CDK19: variants seen among roughly 807,000 people sequenced by gnomAD.
The protein encoded by CDK19 is cyclin-dependent kinase 19.
CDK19 carries 20 observed loss-of-function variants against 68.3 expected under a neutral mutation model. The ratio of observed to expected loss-of-function variants is 0.29; its 90% CI spans 0.21 to 0.43. The LOEUF is 0.43. CDK19 is among the 20% of genes least tolerant of loss of function. The pLI is 1.00. For synonymous variants in CDK19, 221 were observed against 222.8 expected (o/e 0.99, Z 0.07); for missense variants, 339 against 623.5 (o/e 0.54, Z 4.86).
chr6:110,673,537 T>TAA lies in CDK19; in HGVS notation c.205-2998_205-2997dup, dbSNP rs536470299. Among the ~76,000 whole-genome samples the TAA allele has an allele frequency of 9.5e-4, 135 of 141,658 alleles. 2 individuals are homozygous for TAA. In the South Asian group the frequency reaches 0.015, roughly 16 times the overall value. 92.9% of individuals were successfully genotyped at this position (141,658 alleles called of 152,430 possible). A position where few individuals can be genotyped will look rare whatever the true frequency, so the allele number is the denominator to read the frequency against. On this transcript the variant is annotated intron_variant, in intron 2 of 12. Coordinates refer to ENST00000368911, the MANE Select transcript of CDK19 (RefSeq NM_015076.5). Reference sequence around the variant, plus strand: ...GGAACCACCATATAGGTCATTTTTGTAAAAAAAAAAAAACTTTTTTTGTAG... The same window carrying TAA: ...GGAACCACCATATAGGTCATTTTTGTAAAAAAAAAAAAAAACTTTTTTTGTAG...
At chr6:110,653,507 A>C (rs1267418158) in intron 4 of CDK19, among the ~76,000 whole-genome samples, 1 of 152,228 alleles carries the variant, frequency 6.6e-6, no homozygotes, top group Admixed American at 6.5e-5. Flanking sequence ...TCCTCTTCTT[A>C]CTGTGAACAC....
intron 1 of CDK19, among the ~76,000 whole-genome samples, chr6:110,773,315 A>G (rs995546246): frequency 1.3e-5 from 2 of 151,526 alleles, no homozygotes; most frequent in Admixed American, 1.3e-4. Flanking sequence ...ACTGCACTCC[A>G]GCCTGGCAAC....
chr6:110,713,024 C>A (rs1470572930), intron 2 of CDK19, among the ~76,000 whole-genome samples: 1 of 151,640 alleles, frequency 6.6e-6, no homozygotes, highest in East Asian at 1.9e-4. Flanking sequence ...TGGTGAAACC[C>A]CGTCTCTACT....
intron 2 of CDK19, 93 bp downstream of exon 2, chr6:110,746,033 A>C: frequency 1.8e-6 from 1 of 548,100 alleles, no homozygotes; most frequent in Non-Finnish European, 3.1e-6. Flanking sequence ...TAAAATAAAC[A>C]TTCATTATAT....
intron 5 of CDK19, among the ~76,000 whole-genome samples, chr6:110,635,068 A>G (rs1244506258): frequency 6.6e-6 from 1 of 152,266 alleles, no homozygotes; most frequent in Non-Finnish European, 1.5e-5. Context: ...CTAAAATTAC[A>G]CATGGATGAA....
At chr6:110,648,938 C>T (rs534187761) in intron 4 of CDK19, among the ~76,000 whole-genome samples, 1 of 152,028 alleles carries the variant, frequency 6.6e-6, no homozygotes, top group Non-Finnish European at 1.5e-5. Flanking sequence ...AGGCTGGTCT[C>T]GAACTCCTGA....
chr6:110,811,530 G>A (rs114777401), intron 1 of CDK19, among the ~76,000 whole-genome samples: 2,068 of 152,256 alleles, frequency 0.014, 59 homozygotes, highest in African/African-American at 0.047. Context: ...TTAAAGGTGT[G>A]AGCCACGGCG....
chr6:110,815,233 G>T lies in CDK19; in HGVS notation c.-97C>A. 1 of 1,172,008 alleles carries T rather than the reference G, an allele frequency of 8.5e-7. No homozygotes were observed. The highest frequency in any genetic ancestry group is 1.1e-6 in the Non-Finnish European group (1 of 926,226). The allele number at this position is 1,172,008 out of a possible 1,614,324, so 72.6% of individuals were successfully genotyped here. On this transcript the variant is annotated 5_prime_UTR_variant, in exon 1 of 13. It adds an upstream start codon to the 5' untranslated region. Coordinates refer to ENST00000368911, the MANE Select transcript of CDK19 (RefSeq NM_015076.5). ...CGACCGCCGCTCCACTTCTCCAACA[G>T]CCGCCTCTCGCGCGCGCGCGCGCGC...
chr6:110,766,420 C>A (rs1480050526), intron 1 of CDK19, among the ~76,000 whole-genome samples: 1 of 151,918 alleles, frequency 6.6e-6, no homozygotes, highest in East Asian at 1.9e-4. Context: ...ACTAAAAATA[C>A]AAAAGAAATT....
chr6:110,655,716 T>C (rs1166147797), intron 4 of CDK19, among the ~76,000 whole-genome samples: 2 of 152,156 alleles, frequency 1.3e-5, no homozygotes, highest in Non-Finnish European at 2.9e-5. Context: ...ACCTCTGTCA[T>C]AGTTCAAGCC....
chr6:110,639,275 G>C (rs1407154591), intron 4 of CDK19, among the ~76,000 whole-genome samples: 1 of 152,148 alleles, frequency 6.6e-6, no homozygotes, highest in Admixed American at 6.5e-5. Context: ...AAAGAAAAGA[G>C]TAGGCTGCAA....
intron 1 of CDK19, 130 bp downstream of exon 1, chr6:110,814,879 A>G (rs1010942676): frequency 1.4e-5 from 18 of 1,260,438 alleles, no homozygotes; most frequent in Non-Finnish European, 2.0e-5. Flanking sequence ...CGGTGTCCGG[A>G]CGCAACCCCG....
At chr6:110,700,850 A>C (rs1304447836) in intron 2 of CDK19, 1 of 184,114 alleles carries the variant, frequency 5.4e-6, no homozygotes, top group Non-Finnish European at 1.2e-5. Flanking sequence ...GATTATTTCC[A>C]TCAGTGTTGC....
At chr6:110,665,133 G>A (rs983801138) in intron 4 of CDK19, among the ~76,000 whole-genome samples, 4 of 152,226 alleles carry the variant, frequency 2.6e-5, no homozygotes, top group Non-Finnish European at 4.4e-5. Flanking sequence ...TTCTTGAGCA[G>A]GAGCTGAGTA....
At chr6:110,633,135 C>T (rs2114714664) in intron 5 of CDK19, among the ~76,000 whole-genome samples, 1 of 152,290 alleles carries the variant, frequency 6.6e-6, no homozygotes, top group South Asian at 2.1e-4. Context: ...AGGAGAATCA[C>T]TTGAACCCAG....
At chr6:110,748,700 C>T (rs1385022225) in intron 1 of CDK19, among the ~76,000 whole-genome samples, 1 of 152,178 alleles carries the variant, frequency 6.6e-6, no homozygotes, top group Non-Finnish European at 1.5e-5. Flanking sequence ...ACAAAACATG[C>T]ATCCTTTAAC....
intron 6 of CDK19, among the ~76,000 whole-genome samples, chr6:110,628,624 T>C (rs1186976314): frequency 6.6e-6 from 1 of 152,112 alleles, no homozygotes; most frequent in Non-Finnish European, 1.5e-5. Flanking sequence ...CTATCTGCAA[T>C]TTCAGGCATC....
intron 2 of CDK19, among the ~76,000 whole-genome samples, chr6:110,699,424 C>CA (rs34728164): frequency 0.42 from 39,051 of 93,458 alleles, 6,258 homozygotes; most frequent in East Asian, 0.52. Flanking sequence ...GACTTCGTCT[C>CA]AAAAAAAAAA....
At chr6:110,735,562 G>C (rs1777187527) in intron 2 of CDK19, among the ~76,000 whole-genome samples, 1 of 152,146 alleles carries the variant, frequency 6.6e-6, no homozygotes, top group Admixed American at 6.5e-5. Flanking sequence ...AAGAAACTAA[G>C]ATTCACAGGA....
Sources: gnomAD v4.1 joint callset for allele counts (sites outside exome capture counted in the v4.1 genomes callset) on GRCh38, gnomAD v4.1.1 for gene constraint, MANE v1.5 for transcripts, NCBI Gene and HGNC (gene_info 2026-07-23, HGNC 2026-07-21) for gene names.